The following DHX29 variants were observed in gnomAD, a reference collection of about 807,000 sequenced individuals.
The protein encoded by DHX29 is ATP-dependent RNA helicase DHX29.
A neutral mutation model predicts 167.9 loss-of-function variants in DHX29; 79 were observed. That is an observed-to-expected ratio of 0.47 (90% CI 0.39 to 0.57). The LOEUF (loss-of-function observed/expected upper bound fraction) is 0.57. Ranked by LOEUF, DHX29 falls within the 20% of genes least tolerant of loss-of-function variation. The pLI is 0.00. For missense variants in DHX29, 1,347 were observed against 1,593.4 expected, an observed-to-expected ratio of 0.85 and a Z score of 2.63; for synonymous variants, 530 against 546.0, an observed-to-expected ratio of 0.97 and a Z score of 0.41.
At position 55,270,665 on chromosome 5, in the gene DHX29, A is replaced by G. The variant is rs775496317; in HGVS notation, c.2906T>C (p.Phe969Ser). The G allele has an allele frequency of 1.9e-5, 31 of 1,613,748 alleles. No individual in the cohort carries two copies. The highest frequency in any genetic ancestry group is 2.4e-5 in the Non-Finnish European group (28 of 1,179,772). ...SSQMSSLVET[F>S]VSKASALQRQ... is the part of the protein sequence containing the mutation. The stretch of plus-strand genomic sequence containing the variant: ...CTGCAAAGCACTGGCTTTACTGACA[A>G]ACGTCTCCACCAAAGAACTCATCTG... Residue 969 changes from phenylalanine to serine, a missense_variant, in exon 19 of 27, where the codon TTT becomes TCT. By Grantham distance (155) the Phe-to-Ser change is radical (BLOSUM62 -2). Around this residue, in one of 3 missense-constraint regions of DHX29, gnomAD observed 882 missense variants for 1,082.4 expected, o/e 0.81. Transcript: ENST00000251636.
rs750439117 is a variant in DHX29, at chr5:55,276,324, T to C, written c.2369A>G (p.Glu790Gly). ...DSEYCQKFLE[E>G]EEEVTINVTS... ...AACATTAATGGTTACTTCTTCTTCC[T>C]CTTCCAGAAATTTCTGACAATATTC... The change falls in exon 14 of 27, where the codon GAG (glutamate) becomes GGG (glycine). Residue 790 changes from glutamate to glycine, a missense_variant. By Grantham distance (98) the Glu-to-Gly change is moderately conservative. Transcript: ENST00000251636. 1.9e-6 allele frequency: 3 copies of C among 1,605,130 alleles called. No homozygotes were observed. Among genetic ancestry groups the C allele is most frequent in the Non-Finnish European group, 2.5e-6 (3 of 1,177,128 alleles).
At chr5:55,260,101 G>C (rs1206974521) in intron 25 of DHX29, among the ~76,000 whole-genome samples, 157 bp from the exon 26 acceptor site, 1 of 152,108 alleles carries the variant, frequency 6.6e-6, no homozygotes, top group Non-Finnish European at 1.5e-5. Context: ...CTGCTAGCTA[G>C]GCATGCAAAC....
chr5:55,270,894 A>G (rs547042501), intron 18 of DHX29, among the ~76,000 whole-genome samples, 188 bp from the exon 19 acceptor site: 1 of 152,312 alleles, frequency 6.6e-6, no homozygotes, highest in East Asian at 1.9e-4. Context: ...ATATACTACA[A>G]ATTAAAAGTC....
chr5:55,306,997 C>G (rs1189650015), intron 1 of DHX29, among the ~76,000 whole-genome samples: 2 of 152,160 alleles, frequency 1.3e-5, no homozygotes, highest in African/African-American at 4.8e-5. Flanking sequence ...ATATGAAAAA[C>G]TGACAGAAAA....
chr5:55,276,827 C>G (rs1747138933), intron 13 of DHX29, among the ~76,000 whole-genome samples: 1 of 152,034 alleles, frequency 6.6e-6, no homozygotes, highest in South Asian at 2.1e-4. Context: ...CAGGGAAGGG[C>G]AGCAACTCTT....
At chr5:55,261,520 A>G (rs1203283853) in intron 24 of DHX29, 21 bp from the exon 25 acceptor site, 28 of 1,473,786 alleles carry the variant, frequency 1.9e-5, no homozygotes, top group Non-Finnish European at 2.5e-5. Flanking sequence ...AAAAGGGGGG[A>G]AAATAACTTC....
Position 55,289,435 on chromosome 5 carries a change from A to G in DHX29, c.908-7T>C. ...TCTTCTAAAGTTTCCATTTCTACCAAGAAAAAAATATAATGTTTAGTTTCA... is the reference window on the plus strand; with the variant it reads ...TCTTCTAAAGTTTCCATTTCTACCAGGAAAAAAATATAATGTTTAGTTTCA... On this transcript the variant is annotated splice_polypyrimidine_tract_variant and splice_region_variant and intron_variant, in intron 7 of 26. Coordinates refer to ENST00000251636, the MANE Select transcript of DHX29 (RefSeq NM_019030.4). 1 of 1,519,814 alleles carries G rather than the reference A, an allele frequency of 6.6e-7. No homozygotes were observed. Among genetic ancestry groups the G allele is most frequent in the Non-Finnish European group, 8.7e-7 (1 of 1,145,836 alleles). 94.1% of individuals were successfully genotyped at this position (1,519,814 alleles called of 1,614,324 possible). A position where few individuals can be genotyped will look rare whatever the true frequency, so the allele number is the denominator to read the frequency against.
chr5:55,292,236 T>C (rs1407981125), intron 6 of DHX29, among the ~76,000 whole-genome samples: 1 of 152,184 alleles, frequency 6.6e-6, no homozygotes, highest in Non-Finnish European at 1.5e-5. Context: ...TGAAATGGTA[T>C]GCCATTGTGG....
In DHX29 at chr5:55,281,215, CAACT is replaced by C. The variant is rs201204832; in HGVS notation, c.2109+153_2109+156del. Among the ~76,000 whole-genome samples the C allele has an allele frequency of 3.8e-3, 575 of 151,174 alleles. 2 individuals are homozygous for C. The highest frequency in any genetic ancestry group is 0.013 in the African/African-American group (520 of 41,152). On this transcript the variant is annotated intron_variant, in intron 12 of 26. Coordinates refer to ENST00000251636, the MANE Select transcript of DHX29 (RefSeq NM_019030.4). ...AAATATTATATAGTATTTATGAAAC[CAACT>C]AACAGGAGATACATTTGTTACAAGA...
At chr5:55,286,223 C>T (rs1747721853) in intron 8 of DHX29, among the ~76,000 whole-genome samples, 1 of 148,420 alleles carries the variant, frequency 6.7e-6, no homozygotes, top group Non-Finnish European at 1.5e-5. Context: ...CACTGCACTA[C>T]AGCCTGGGTG....
rs1350864807 is a variant in DHX29 at position 55,267,208 on chromosome 5, CCTT to C, written c.3452_3454del (p.Glu1151del). 3 of 1,612,678 alleles carry C rather than the reference CCTT, an allele frequency of 1.9e-6. No individual in the cohort carries two copies. Among genetic ancestry groups the C allele is most frequent in the South Asian group, 2.2e-5 (2 of 90,982 alleles). ...GTATGTGATTTCAGAACGATAACCT[CCTT>C]CTTGTCGTGCTTTCTTCCATCTAGA... On this transcript the variant is annotated inframe_deletion, in exon 23 of 27. Coordinates refer to ENST00000251636, the MANE Select transcript of DHX29 (RefSeq NM_019030.4).
intron 6 of DHX29, among the ~76,000 whole-genome samples, chr5:55,290,670 T>C (rs1747997268): frequency 6.6e-6 from 1 of 152,202 alleles, no homozygotes. Context: ...TTCCTTGACA[T>C]GTTAGTAAAC....
At chr5:55,304,331 T>TTTTA (rs1748752497) in intron 1 of DHX29, among the ~76,000 whole-genome samples, 1 of 144,828 alleles carries the variant, frequency 6.9e-6, no homozygotes, top group African/African-American at 2.6e-5. Context: ...TTTTTTTTTT[T>TTTTA]GAGACCGAGT....
Position 55,294,037 on chromosome 5 carries a change from C to T in DHX29, c.760G>A (p.Glu254Lys), listed in dbSNP as rs1201720040. 6.2e-7 allele frequency: 1 copy of T among 1,607,126 alleles called. No homozygotes were observed. Residue 254 changes from glutamate (E) to lysine (K), a missense_variant, in exon 6 of 27, where the codon GAG becomes AAG. Coordinates refer to ENST00000251636, the MANE Select transcript of DHX29 (RefSeq NM_019030.4). The stretch of plus-strand genomic sequence containing the variant: ...CTCACAGGGTCAAATTTTTCCTCCT[C>T]TTCTAAACTTTTAGAATTCTCATTC... ...EKNENSKSLE[E>K]EEKFDPNERY...
chr5:55,265,601 CTT>C (rs1433971375), intron 23 of DHX29, among the ~76,000 whole-genome samples: 2 of 148,614 alleles, frequency 1.3e-5, no homozygotes, highest in African/African-American at 5.0e-5. Flanking sequence ...GGTTAAGAGA[CTT>C]TATTAAAAAA....
At chr5:55,296,171 A>C in intron 4 of DHX29, 49 bp downstream of exon 4, 1 of 1,556,902 alleles carries the variant, frequency 6.4e-7, no homozygotes, top group Non-Finnish European at 8.7e-7. Context: ...AAATACCAAA[A>C]CTACTTCAAA....
rs201849968 is a variant in DHX29, at chr5:55,272,192, A to G, written c.2776-17T>C. On this transcript the variant is annotated splice_polypyrimidine_tract_variant and intron_variant, in intron 17 of 26. Coordinates refer to ENST00000251636, the MANE Select transcript of DHX29 (RefSeq NM_019030.4). ...TAAAACAATCTGAAAATAAACAAAA[A>G]GCTTAAAACATTTAGACTACTTTCA... 3.2e-5 allele frequency: 46 copies of G among 1,456,942 alleles called. No homozygotes were observed. The East Asian group carries it at 1.1e-3, about 34-fold the overall frequency. The allele number at this position is 1,456,942 out of a possible 1,614,324, so 90.3% of individuals were successfully genotyped here.
At chr5:55,279,637 G>A (rs991440712) in intron 12 of DHX29, 1 of 152,542 alleles carries the variant, frequency 6.6e-6, no homozygotes, top group African/African-American at 2.4e-5. Flanking sequence ...CTTGCAAGCA[G>A]ATGGGACTAT....
chr5:55,285,847 G>A lies in DHX29; in HGVS notation c.1081C>T (p.Pro361Ser), dbSNP rs776364099. The change falls in exon 9 of 27, where the codon CCT (proline) becomes TCT (serine). Residue 361 changes from proline to serine, a missense_variant. Pro to Ser is a moderately conservative substitution (Grantham distance 74). Coordinates refer to ENST00000251636, the MANE Select transcript of DHX29 (RefSeq NM_019030.4). ...TEEEKDKKKE[P>S]HDVRNFDYTA... Reference sequence around the variant, plus strand: ...TAGTCAAAATTTCTTACATCATGAGGTTCTTTCTTTTTATCTAAAATGGTA... The same window carrying A: ...TAGTCAAAATTTCTTACATCATGAGATTCTTTCTTTTTATCTAAAATGGTA... 9 of 1,558,366 alleles carry A rather than the reference G, an allele frequency of 5.8e-6. No homozygotes were observed. The East Asian group carries it at 2.1e-4, about 36-fold the overall frequency.
Sources: gnomAD v4.1 joint callset for allele counts (sites outside exome capture counted in the v4.1 genomes callset) on GRCh38, gnomAD v4.1.1 for gene constraint, gnomAD v4.1.1 regional missense constraint, MANE v1.5 for transcripts, NCBI Gene and HGNC (gene_info 2026-07-23, HGNC 2026-07-21) for gene names.